FOXP1: variants seen among roughly 807,000 people sequenced by gnomAD.
FOXP1 encodes the protein forkhead box P1.
In FOXP1, 15 loss-of-function variants were observed where a neutral mutation model predicts 98.2. That is an observed-to-expected ratio of 0.15 (90% CI 0.10 to 0.24). The LOEUF (loss-of-function observed/expected upper bound fraction) is 0.24. Ranked by LOEUF, FOXP1 falls within the 10% of genes least tolerant of loss-of-function variation. The pLI, the probability that FOXP1 is intolerant of heterozygous loss-of-function variation, is 1.00. For synonymous variants in FOXP1, 371 were observed against 314.5 expected (o/e 1.18, Z -1.90); for missense variants, 633 against 848.5 (o/e 0.75, Z 3.15).
intron 2 of FOXP1, among the ~76,000 whole-genome samples, chr3:71,515,783 T>G (rs1455629253): frequency 6.6e-6 from 1 of 152,214 alleles, no homozygotes. Context: ...AAAACACTGC[T>G]GCTACCAGGG....
At chr3:71,274,917 T>C (rs575612671) in intron 5 of FOXP1, among the ~76,000 whole-genome samples, 4 of 152,336 alleles carry the variant, frequency 2.6e-5, no homozygotes, top group African/African-American at 9.6e-5. Context: ...ACTTTGCTCT[T>C]TGCCATTCTA....
At chr3:71,411,309 G>GTGTGTGTGTGTGTGTGTGTT (rs1560446775) in intron 3 of FOXP1, among the ~76,000 whole-genome samples, 9 of 133,620 alleles carry the variant, frequency 6.7e-5, no homozygotes, top group Non-Finnish European at 1.3e-4. Context: ...GTGTGTGTGT[G>GTGTGTGTGTGTGTGTGTGTT]TGTGTGTGTA....
chr3:71,049,611 T>C (rs967855522), intron 9 of FOXP1, among the ~76,000 whole-genome samples: 3 of 151,226 alleles, frequency 2.0e-5, no homozygotes, highest in African/African-American at 4.9e-5. Context: ...AGGTGTCTTA[T>C]TGCAGAGGTA....
At chr3:71,190,030 C>T (rs1560088591) in intron 6 of FOXP1, among the ~76,000 whole-genome samples, 1 of 152,226 alleles carries the variant, frequency 6.6e-6, no homozygotes, top group Non-Finnish European at 1.5e-5. Flanking sequence ...GTCATGGCCA[C>T]TCATCTCTCC....
intron 4 of FOXP1, among the ~76,000 whole-genome samples, chr3:71,322,135 C>T (rs1316966375): frequency 2.0e-5 from 3 of 152,124 alleles, no homozygotes; most frequent in African/African-American, 4.8e-5. Flanking sequence ...TCATTCATTC[C>T]GTTGTTTAGC....
chr3:71,136,822 A>AC (rs2059841022), intron 6 of FOXP1, among the ~76,000 whole-genome samples: 2 of 151,048 alleles, frequency 1.3e-5, no homozygotes, highest in African/African-American at 2.4e-5. Flanking sequence ...AATACAACAA[A>AC]AAAAAAAGAT....
At chr3:71,343,047 T>C (rs182442262) in intron 4 of FOXP1, among the ~76,000 whole-genome samples, 2 of 152,344 alleles carry the variant, frequency 1.3e-5, no homozygotes, top group Admixed American at 1.3e-4. Flanking sequence ...CTCAGTAAGA[T>C]GGTGCTAGTA....
chr3:70,989,301 AT>A (rs11458884), intron 13 of FOXP1, among the ~76,000 whole-genome samples: 11 of 150,184 alleles, frequency 7.3e-5, no homozygotes, highest in East Asian at 2.0e-4. Context: ...ATCACATTTG[AT>A]TTTTTTTTTC....
intron 4 of FOXP1, among the ~76,000 whole-genome samples, chr3:71,349,952 A>G (rs1351049957): frequency 6.6e-6 from 1 of 152,214 alleles, no homozygotes; most frequent in Admixed American, 6.5e-5. Flanking sequence ...AACAAATAAT[A>G]TCCGATCCTT....
At chr3:71,061,738 T>C (rs148950699) in intron 7 of FOXP1, among the ~76,000 whole-genome samples, 1 of 152,326 alleles carries the variant, frequency 6.6e-6, no homozygotes, top group Non-Finnish European at 1.5e-5. Context: ...ATTTGCCTAG[T>C]TACCAAGAAC....
At chr3:71,236,287 T>C (rs954038785) in intron 5 of FOXP1, among the ~76,000 whole-genome samples, 2 of 152,198 alleles carry the variant, frequency 1.3e-5, no homozygotes, top group African/African-American at 4.8e-5. Context: ...GGATTACCTC[T>C]TTAGTGTTTC....
At chr3:71,536,922 C>T (rs112594378) in intron 2 of FOXP1, among the ~76,000 whole-genome samples, 7 of 152,092 alleles carry the variant, frequency 4.6e-5, no homozygotes, top group Admixed American at 2.0e-4. Context: ...ATGACGGCCA[C>T]GCAGAGATGT....
chr3:71,161,037 T>C (rs1487343391), intron 6 of FOXP1, among the ~76,000 whole-genome samples: 2 of 152,164 alleles, frequency 1.3e-5, no homozygotes, highest in Non-Finnish European at 2.9e-5. Context: ...AGATATAGCA[T>C]AAGCAAAGAG....
chr3:71,101,123 G>C (rs1226038919), intron 7 of FOXP1, among the ~76,000 whole-genome samples: 1 of 152,078 alleles, frequency 6.6e-6, no homozygotes, highest in Admixed American at 6.5e-5. Context: ...AAATACCAGC[G>C]GAAGGAAAAA....
At chr3:71,397,361 A>C (rs2081604729) in intron 3 of FOXP1, among the ~76,000 whole-genome samples, 1 of 152,048 alleles carries the variant, frequency 6.6e-6, no homozygotes, top group African/African-American at 2.4e-5. Context: ...GTGGATGAGC[A>C]TTTATAATCT....
intron 7 of FOXP1, among the ~76,000 whole-genome samples, chr3:71,062,221 C>T (rs929803979): frequency 5.3e-5 from 8 of 152,158 alleles, no homozygotes; most frequent in Non-Finnish European, 1.0e-4. Flanking sequence ...AGCAGGGTTA[C>T]GCAACACTGC....
intron 3 of FOXP1, among the ~76,000 whole-genome samples, chr3:71,391,163 ACAT>A (rs2081001733): frequency 6.6e-6 from 1 of 152,128 alleles, no homozygotes. Flanking sequence ...CAAAAATATC[ACAT>A]ATTTCCAATT....
intron 3 of FOXP1, among the ~76,000 whole-genome samples, chr3:71,454,714 G>A (rs1560509215): frequency 6.6e-6 from 1 of 151,834 alleles, no homozygotes; most frequent in Non-Finnish European, 1.5e-5. Flanking sequence ...AGATGGTAGC[G>A]AAAGTTCCCT....
intron 6 of FOXP1, among the ~76,000 whole-genome samples, chr3:71,120,325 G>A (rs534013963): frequency 1.7e-4 from 26 of 152,206 alleles, no homozygotes; most frequent in Non-Finnish European, 3.4e-4. Flanking sequence ...GGGATATACT[G>A]AATTTGAATC....
Sources: gnomAD v4.1 joint callset for allele counts (sites outside exome capture counted in the v4.1 genomes callset) on GRCh38, gnomAD v4.1.1 for gene constraint, MANE v1.5 for transcripts, NCBI Gene and HGNC (gene_info 2026-07-23, HGNC 2026-07-21) for gene names.